The following CCDC102B variants were observed in gnomAD, a reference collection of about 807,000 sequenced individuals.
CCDC102B encodes coiled-coil domain-containing protein 102B.
In CCDC102B, 75 loss-of-function variants were observed where a neutral mutation model predicts 57.4. The ratio of observed to expected loss-of-function variants is 1.31; its 90% CI spans 1.08 to 1.58. The LOEUF is 1.58. Among genes scored for constraint, CCDC102B ranks in the 40% most tolerant of loss-of-function variants. The pLI, the probability that CCDC102B is intolerant of heterozygous loss-of-function variation, is 0.00. For missense variants in CCDC102B, 636 were observed against 582.6 expected, an observed-to-expected ratio of 1.09 and a Z score of -0.94; for synonymous variants, 206 against 201.9, an observed-to-expected ratio of 1.02 and a Z score of -0.17.
intron 2 of CCDC102B, among the ~76,000 whole-genome samples, chr18:68,789,621 T>C (rs1292476691): frequency 1.3e-5 from 2 of 149,180 alleles, no homozygotes; most frequent in Non-Finnish European, 3.0e-5. Flanking sequence ...GTTGATCGCA[T>C]TGGCTCCTGA....
intron 4 of CCDC102B, among the ~76,000 whole-genome samples, chr18:68,864,290 A>ATTAGGAAATTTAGGAAAT (rs2038883091): frequency 6.6e-6 from 1 of 151,582 alleles, no homozygotes; most frequent in Admixed American, 6.6e-5. Context: ...TATATTTTCT[A>ATTAGGAAATTTAGGAAAT]TTCTTTCAAT....
chr18:68,992,306 C>T (rs894254055), intron 6 of CCDC102B, among the ~76,000 whole-genome samples: 12 of 152,086 alleles, frequency 7.9e-5, no homozygotes, highest in African/African-American at 2.7e-4. Flanking sequence ...CATCTTTATG[C>T]CAATCTGAAT....
At chr18:69,009,311 C>CGTAA (rs2051435994) in intron 6 of CCDC102B, among the ~76,000 whole-genome samples, 1 of 152,048 alleles carries the variant, frequency 6.6e-6, no homozygotes, top group African/African-American at 2.4e-5. Context: ...GCGTCCCTTA[C>CGTAA]GCCCAGATTG....
At position 68,764,261 on chromosome 18, in the gene CCDC102B, A is replaced by G. The variant is rs554628329; in HGVS notation, c.-67+47667A>G. Among the ~76,000 whole-genome samples the G allele has an allele frequency of 8.5e-5, 13 of 152,286 alleles. No homozygotes were observed. In the South Asian group the frequency reaches 2.3e-3, roughly 27 times the overall value. The stretch of plus-strand genomic sequence containing the variant: ...TGCTCCATATAACACTACTATGATT[A>G]CTAATAATAACATCATGCTGACTCC... On this transcript the variant is annotated intron_variant, in intron 2 of 3. Coordinates refer to the CCDC102B transcript ENST00000578970.
At chr18:68,990,798 T>C (rs1045978648) in intron 6 of CCDC102B, among the ~76,000 whole-genome samples, 1 of 152,148 alleles carries the variant, frequency 6.6e-6, no homozygotes, top group Non-Finnish European at 1.5e-5. Context: ...TTTATAGATA[T>C]AGGTACTTAG....
chr18:68,953,309 A>T (rs2049751084), intron 6 of CCDC102B, among the ~76,000 whole-genome samples: 1 of 151,516 alleles, frequency 6.6e-6, no homozygotes, highest in Admixed American at 6.6e-5. Context: ...TTTTCACCAA[A>T]AATATACAAA....
intron 4 of CCDC102B, 27 bp from the exon 5 acceptor site, chr18:68,874,642 G>T: frequency 1.4e-6 from 2 of 1,416,952 alleles, no homozygotes; most frequent in Admixed American, 1.7e-5. Context: ...AGCATCCTGT[G>T]ATTGTAATTT....
At chr18:68,808,215 G>T (rs542753708) in intron 1 of CCDC102B, among the ~76,000 whole-genome samples, 1 of 152,120 alleles carries the variant, frequency 6.6e-6, no homozygotes, top group African/African-American at 2.4e-5. Context: ...ATTATATTAA[G>T]ATGGAAAGAA....
chr18:69,014,605 G>C (rs556056456), intron 7 of CCDC102B, among the ~76,000 whole-genome samples: 24 of 151,998 alleles, frequency 1.6e-4, no homozygotes, highest in Non-Finnish European at 2.1e-4. Flanking sequence ...GTGTGTGTTG[G>C]GGGGGCGGGG....
chr18:68,860,874 T>C (rs1454996762), intron 4 of CCDC102B, among the ~76,000 whole-genome samples: 1 of 146,762 alleles, frequency 6.8e-6, no homozygotes, highest in Non-Finnish European at 1.5e-5. Context: ...GGTAGGAATT[T>C]TTTTCCATTT....
Position 68,890,899 on chromosome 18 carries a change from TA to T in CCDC102B, c.1054-6317del, listed in dbSNP as rs1265868248. ...TTTTCTAGACTTTGACTATAATGAA[TA>T]AAGCTGCTAATATATTCTTATGTAA... On this transcript the variant is annotated intron_variant, in intron 5 of 7. Coordinates refer to ENST00000360242, the MANE Select transcript of CCDC102B (RefSeq NM_024781.3). 2.0e-5 allele frequency among the ~76,000 whole-genome samples: 3 copies of T among 152,204 alleles called. No homozygotes were observed. The East Asian group carries it at 5.8e-4, about 29-fold the overall frequency.
chr18:68,936,067 A>G (rs765420058), intron 6 of CCDC102B, among the ~76,000 whole-genome samples: 1 of 151,986 alleles, frequency 6.6e-6, no homozygotes, highest in Non-Finnish European at 1.5e-5. Context: ...GCTTCATGCA[A>G]TGGATGCACA....
At chr18:68,840,261 A>G (rs544761339) in intron 3 of CCDC102B, among the ~76,000 whole-genome samples, 1 of 152,326 alleles carries the variant, frequency 6.6e-6, no homozygotes, top group South Asian at 2.1e-4. Flanking sequence ...AATGTATTAT[A>G]TAAGTATATA....
At chr18:68,867,339 G>A (rs1257771063) in intron 4 of CCDC102B, among the ~76,000 whole-genome samples, 2 of 152,064 alleles carry the variant, frequency 1.3e-5, no homozygotes, top group Non-Finnish European at 2.9e-5. Context: ...CCCTTTTCCT[G>A]CCCACAGCTT....
intron 6 of CCDC102B, among the ~76,000 whole-genome samples, chr18:68,995,237 AGCC>A (rs1182421605): frequency 2.0e-5 from 3 of 152,220 alleles, no homozygotes; most frequent in Non-Finnish European, 4.4e-5. Flanking sequence ...GGAAATTTGC[AGCC>A]TGACAATGCT....
intron 6 of CCDC102B, among the ~76,000 whole-genome samples, chr18:68,985,391 G>A (rs535499432): frequency 4.5e-4 from 69 of 152,188 alleles, no homozygotes; most frequent in African/African-American, 1.4e-3. Flanking sequence ...CTCATAAAAC[G>A]TACACTCTGT....
rs62100039 is a variant in CCDC102B at position 68,808,714 on chromosome 18, T to A, written c.-16+10533T>A. ...AGGATGGTCTCGATCTCCTGACCTCTTGATCCGCCCACCTTGGCCTCCCAA... is the reference window on the plus strand; with the variant it reads ...AGGATGGTCTCGATCTCCTGACCTCATGATCCGCCCACCTTGGCCTCCCAA... On this transcript the variant is annotated intron_variant, in intron 1 of 7. Transcript: ENST00000360242. 2.6e-5 allele frequency among the ~76,000 whole-genome samples: 4 copies of A among 151,974 alleles called. No individual in the cohort carries two copies. In the East Asian group the frequency reaches 5.9e-4, roughly 22 times the overall value.
chr18:69,047,900 AAAT>A (rs1342100635), intron 7 of CCDC102B, among the ~76,000 whole-genome samples: 1 of 152,146 alleles, frequency 6.6e-6, no homozygotes, highest in African/African-American at 2.4e-5. Flanking sequence ...AACAAATGGA[AAAT>A]AATTCCATGT....
At chr18:68,909,379 T>A (rs1360641814) in intron 6 of CCDC102B, among the ~76,000 whole-genome samples, 2 of 152,200 alleles carry the variant, frequency 1.3e-5, no homozygotes, top group African/African-American at 4.8e-5. Flanking sequence ...ATGACCTATG[T>A]TAAAGGAAGT....
Sources: allele counts gnomAD v4.1 joint callset (sites outside exome capture counted in the v4.1 genomes callset), GRCh38; gene constraint gnomAD v4.1.1; transcripts MANE v1.5; gene names NCBI Gene and HGNC (gene_info 2026-07-23, HGNC 2026-07-21).